Variants in CATSPER1 observed in about 807,000 individuals in gnomAD.
The protein encoded by CATSPER1 is cation channel sperm-associated protein 1.
Under a neutral mutation model 72.7 loss-of-function variants are expected in CATSPER1, and 57 were observed. The observed-to-expected ratio is 0.78, with a 90% CI of 0.63 to 0.98. The LOEUF (loss-of-function observed/expected upper bound fraction) is 0.98. CATSPER1 is among the 50% of genes least tolerant of loss of function. The pLI is 0.00. For synonymous variants in CATSPER1, 363 were observed against 403.0 expected (o/e 0.90, Z 1.19); for missense variants, 910 against 1,033.9 (o/e 0.88, Z 1.64).
At position 66,025,582 on chromosome 11, in the gene CATSPER1, C is replaced by T. The variant is rs368688295; in HGVS notation, c.798G>A (p.Glu266=). The T allele has an allele frequency of 2.9e-5, 47 of 1,606,478 alleles. No homozygotes were observed. The highest frequency in any genetic ancestry group is 3.8e-5 in the Non-Finnish European group (45 of 1,176,614). ...TGGGGTGGTGATCACCTTGGTGGTA[C>T]TCGCTGTGATAGTCAGATATCCCAC... is the stretch of plus-strand genomic sequence containing the variant. ...YQRGISDYHS[E]YHQGDHHPSE... Residue 266 remains glutamate (E), a synonymous_variant, in exon 1 of 12, where the codon GAG becomes GAA. Transcript: ENST00000312106.
intron 1 of CATSPER1, among the ~76,000 whole-genome samples, chr11:66,023,387 A>G (rs1856418830): frequency 6.6e-6 from 1 of 152,016 alleles, no homozygotes; most frequent in Non-Finnish European, 1.5e-5. Context: ...ACCACTCTGC[A>G]GGGACACAGG....
chr11:66,018,539 G>A (rs1231743116), intron 10 of CATSPER1, among the ~76,000 whole-genome samples: 1 of 152,184 alleles, frequency 6.6e-6, no homozygotes. Flanking sequence ...TCCTCTTTGG[G>A]TCCCTGGAGC....
rs376008588 is a variant in CATSPER1, at chr11:66,021,828, T to C, written c.1481A>G (p.Glu494Gly). 1.1e-4 allele frequency: 181 copies of C among 1,614,034 alleles called. No homozygotes were observed. The highest frequency in any genetic ancestry group is 1.3e-4 in the Non-Finnish European group (152 of 1,180,042). Residue 494 changes from glutamate to glycine, a missense_variant, in exon 3 of 12, where the codon GAA becomes GGA. Glu to Gly is a moderately conservative substitution (Grantham distance 98, BLOSUM62 -2). Transcript: ENST00000312106. ...DSIFFCIYVV[E>G]ALLKIIALGL... ...CAGGGCGATGATCTTGAGCAGGGCT[T>C]CCACCACGTAGATGCAGAAGAATAT...
Position 66,016,822 on chromosome 11 carries a change from C to T in CATSPER1, c.*68G>A. On this transcript the variant is annotated 3_prime_UTR_variant, in exon 12 of 12. Transcript: ENST00000312106. ...ACAATCATTCCAGCAGATCTGGGGA[C>T]CCGTCCCAGTGCACCCAGGTGGGCA... 1 of 1,550,422 alleles carries T rather than the reference C, an allele frequency of 6.4e-7. No individual in the cohort carries two copies. Among genetic ancestry groups the T allele is most frequent in the South Asian group, 1.2e-5 (1 of 83,792 alleles).
At position 66,020,625 on chromosome 11, in the gene CATSPER1, C is replaced by G; in HGVS notation, c.1930G>C (p.Ala644Pro). ...ACGAGGATGGGAATGATGTACCAGG[C>G]GCCTAGGGGGAGCAGGCCAGAGGGC... ...LIYMDSRAQG[A>P]WYIIPILVIY... The change falls in exon 7 of 12, where the codon GCC becomes CCC. Residue 644 changes from alanine to proline, a missense_variant and splice_region_variant. Ala to Pro is a conservative substitution (Grantham distance 27). Transcript: ENST00000312106. The surrounding 1 kb of genome is among the most constrained non-coding windows in gnomAD (Gnocchi z 4.5). The G allele has an allele frequency of 6.2e-7, 1 of 1,612,098 alleles. No individual in the cohort carries two copies. Among genetic ancestry groups the G allele is most frequent in the Non-Finnish European group, 8.5e-7 (1 of 1,179,272 alleles).
At chr11:66,021,265 C>A (rs1856362620) in intron 4 of CATSPER1, 80 bp from the exon 5 acceptor site, 1 of 1,429,442 alleles carries the variant, frequency 7.0e-7, no homozygotes, top group Non-Finnish European at 9.7e-7. Context: ...ACAGCTGGCG[C>A]TGAAGGCAGG....
In CATSPER1 at chr11:66,025,696, C is replaced by T. The variant is rs1210450232; in HGVS notation, c.684G>A (p.Arg228=). ...GCTGGTGGGCTTCATGATGACGGGA[C>T]CTGCCATGGTGGTGGACTTGGTGAT... is the stretch of plus-strand genomic sequence containing the variant. ...PHHHQVHHHG[R]SRHHEAHQHG... is the part of the protein sequence containing the mutation. Residue 228 remains arginine, a synonymous_variant, in exon 1 of 12, where the codon AGG becomes AGA. Transcript: ENST00000312106. 2 of 1,613,752 alleles carry T rather than the reference C, an allele frequency of 1.2e-6. No homozygotes were observed. Among genetic ancestry groups the T allele is most frequent in the Non-Finnish European group, 1.7e-6 (2 of 1,179,904 alleles).
chr11:66,018,534 T>C (rs1856285139), intron 10 of CATSPER1, among the ~76,000 whole-genome samples: 1 of 152,204 alleles, frequency 6.6e-6, no homozygotes, highest in Non-Finnish European at 1.5e-5. Flanking sequence ...CTGTGTCCTC[T>C]TTGGGTCCCT....
In CATSPER1 at chr11:66,017,046, C is replaced by A; in HGVS notation, c.2316+14G>T. ...TTCCCCTCGCCGGCCCCTTCCCGCT[C>A]CTGCCTGGTTCACCTCAAATGTGGT... is the stretch of plus-strand genomic sequence containing the variant. On this transcript the variant is annotated intron_variant, in intron 11 of 11. Coordinates refer to ENST00000312106, the MANE Select transcript of CATSPER1 (RefSeq NM_053054.4). 1.2e-6 allele frequency: 2 copies of A among 1,613,856 alleles called. No individual in the cohort carries two copies. The highest frequency in any genetic ancestry group is 1.7e-6 in the Non-Finnish European group (2 of 1,179,788).
rs1856245775 is a variant in CATSPER1, at chr11:66,016,811, A to C, written c.*79T>G. On this transcript the variant is annotated 3_prime_UTR_variant, in exon 12 of 12. Transcript: ENST00000312106. ...GCAGGGCCCGGACAATCATTCCAGC[A>C]GATCTGGGGACCCGTCCCAGTGCAC... is the stretch of plus-strand genomic sequence containing the variant. 2 of 1,499,668 alleles carry C rather than the reference A, an allele frequency of 1.3e-6. No individual in the cohort carries two copies. The highest frequency in any genetic ancestry group is 1.2e-5 in the South Asian group (1 of 80,588). The allele number at this position is 1,499,668 out of a possible 1,614,324, so 92.9% of individuals were successfully genotyped here.
At position 66,016,858 on chromosome 11, in the gene CATSPER1, G is replaced by A. The variant is rs1417803001; in HGVS notation, c.*32C>T. 6.2e-7 allele frequency: 1 copy of A among 1,610,268 alleles called. No homozygotes were observed. Among genetic ancestry groups the A allele is most frequent in the African/African-American group, 1.3e-5 (1 of 74,844 alleles). On this transcript the variant is annotated 3_prime_UTR_variant, in exon 12 of 12. Coordinates refer to ENST00000312106, the MANE Select transcript of CATSPER1 (RefSeq NM_053054.4). ...GCACCCAGGTGGGCAGACTGCCAGG[G>A]GCTGAAGTCTGTATCTGGTGTCCTC...
Position 66,018,823 on chromosome 11 carries a change from T to G in CATSPER1, c.2201+4A>C. On this transcript the variant is annotated splice_donor_region_variant and intron_variant, in intron 10 of 11. Coordinates refer to ENST00000312106, the MANE Select transcript of CATSPER1 (RefSeq NM_053054.4). The stretch of plus-strand genomic sequence containing the variant: ...CAGGCCTCGCTCCCTTCCTGTCTCC[T>G]CACTTCTCAGTCATGGTCCCAAACT... 2 of 1,613,214 alleles carry G rather than the reference T, an allele frequency of 1.2e-6. No homozygotes were observed. The highest frequency in any genetic ancestry group is 2.2e-5 in the South Asian group (2 of 91,030).
At position 66,020,527 on chromosome 11, in the gene CATSPER1, G is replaced by A; in HGVS notation, c.1991+37C>T. The A allele has an allele frequency of 6.2e-7, 1 of 1,600,704 alleles. No individual in the cohort carries two copies. The highest frequency in any genetic ancestry group is 8.6e-7 in the Non-Finnish European group (1 of 1,168,944). The stretch of plus-strand genomic sequence containing the variant: ...GTCCCAGGGGAGAGGAGGAAGTGTG[G>A]GTGGTGCTGGGCAGCAGAGCAGGGG... On this transcript the variant is annotated intron_variant, in intron 7 of 11. Coordinates refer to ENST00000312106, the MANE Select transcript of CATSPER1 (RefSeq NM_053054.4). This position sits in a 1 kb window ranked among gnomAD's most constrained non-coding sequence, Gnocchi z 4.5.
At position 66,022,968 on chromosome 11, in the gene CATSPER1, C is replaced by T. The variant is rs768421949; in HGVS notation, c.1310G>A (p.Arg437Gln). ...EKLTFLIQGF[R>Q]EMIRNLTQSL... is the part of the protein sequence containing the mutation. Reference sequence around the variant, plus strand: ...TTGGGTCAGGTTCCGGATCATTTCCCGGAAGCCCTGAATGAGGAAGGTTAG... The same window carrying T: ...TTGGGTCAGGTTCCGGATCATTTCCTGGAAGCCCTGAATGAGGAAGGTTAG... Residue 437 changes from arginine to glutamine, a missense_variant, in exon 2 of 12, where the codon CGG becomes CAG. By Grantham distance (43) the Arg-to-Gln change is conservative. Coordinates refer to ENST00000312106, the MANE Select transcript of CATSPER1 (RefSeq NM_053054.4). 4.3e-6 allele frequency: 7 copies of T among 1,614,232 alleles called. No individual in the cohort carries two copies. Among genetic ancestry groups the T allele is most frequent in the African/African-American group, 4.0e-5 (3 of 75,066 alleles).
chr11:66,020,478 C>G lies in CATSPER1; in HGVS notation c.1991+86G>C, dbSNP rs1856337761. 1 of 1,602,446 alleles carries G rather than the reference C, an allele frequency of 6.2e-7. No individual in the cohort carries two copies. Among genetic ancestry groups the G allele is most frequent in the African/African-American group, 1.3e-5 (1 of 74,652 alleles). On this transcript the variant is annotated intron_variant, in intron 7 of 11. Coordinates refer to ENST00000312106, the MANE Select transcript of CATSPER1 (RefSeq NM_053054.4). The surrounding 1 kb of genome is among the most constrained non-coding windows in gnomAD (Gnocchi z 4.5). ...TCTTGTGGGTTCAGCGTGGCATGAC[C>G]AGGGTGAGAGGGCTGGGGTAAGGGT...
In CATSPER1 at chr11:66,021,884, A is replaced by C. The variant is rs762999530; in HGVS notation, c.1430-5T>G. The C allele has an allele frequency of 1.8e-5, 29 of 1,606,046 alleles. No individual in the cohort carries two copies. Among genetic ancestry groups the C allele is most frequent in the African/African-American group, 2.7e-5 (2 of 74,720 alleles). ...CCAAGGCCATGAAGTACCACTCTGCAGGAACACAGGGGTGCACTCAGAGCT... is the reference window on the plus strand; with the variant it reads ...CCAAGGCCATGAAGTACCACTCTGCCGGAACACAGGGGTGCACTCAGAGCT... On this transcript the variant is annotated splice_polypyrimidine_tract_variant and splice_region_variant and intron_variant, in intron 2 of 11. Transcript: ENST00000312106.
rs1488382497 is a variant in CATSPER1 at position 66,026,281 on chromosome 11, C to T, written c.99G>A (p.Arg33=). 1 of 1,614,160 alleles carries T rather than the reference C, an allele frequency of 6.2e-7. No individual in the cohort carries two copies. ...FRSHSSPPHH[R]PGHSRALHHY... ...GGTGGAGAGCTCTGCTGTGGCCTGG[C>T]CTGTGGTGTGGGGGTGATGAGTGAG... The change falls in exon 1 of 12, where the codon AGG becomes AGA. Residue 33 remains arginine (R), a synonymous_variant. Coordinates refer to ENST00000312106, the MANE Select transcript of CATSPER1 (RefSeq NM_053054.4).
rs1856336544 is a variant in CATSPER1 at position 66,020,450 on chromosome 11, ACTT to A, written c.1992-64_1992-62del. 1 of 1,607,994 alleles carries A rather than the reference ACTT, an allele frequency of 6.2e-7. No individual in the cohort carries two copies. The highest frequency in any genetic ancestry group is 1.1e-5 in the South Asian group (1 of 90,966). ...AGGCCAGAGGAGAGGGGCACCCGGT[ACTT>A]CTTGTGGGTTCAGCGTGGCATGACC... On this transcript the variant is annotated intron_variant, in intron 7 of 11. Coordinates refer to ENST00000312106, the MANE Select transcript of CATSPER1 (RefSeq NM_053054.4). The surrounding 1 kb of genome is among the most constrained non-coding windows in gnomAD (Gnocchi z 4.5).
Position 66,021,204 on chromosome 11 carries a change from G to C in CATSPER1, c.1692-19C>G. On this transcript the variant is annotated intron_variant, in intron 4 of 11. Transcript: ENST00000312106. Reference sequence around the variant, plus strand: ...CAGGAAGCTGTGGGCAGAAGGAGTGGGGACTGAGTCATCGGTGAGGGGCGG... The same window carrying C: ...CAGGAAGCTGTGGGCAGAAGGAGTGCGGACTGAGTCATCGGTGAGGGGCGG... 6.2e-7 allele frequency: 1 copy of C among 1,607,914 alleles called. No homozygotes were observed.
Sources: gnomAD v4.1 joint callset for allele counts (sites outside exome capture counted in the v4.1 genomes callset) on GRCh38, gnomAD v4.1.1 for gene constraint, Gnocchi (gnomAD v3.1) non-coding constraint, MANE v1.5 for transcripts, NCBI Gene and HGNC (gene_info 2026-07-23, HGNC 2026-07-21) for gene names.